Variants in ZNF438 observed in about 807,000 individuals in gnomAD.
ZNF438 encodes the protein zinc finger protein 438.
A neutral mutation model predicts 38.0 loss-of-function variants in ZNF438; 25 were observed. That is an observed-to-expected ratio of 0.66 (90% CI 0.48 to 0.92). The LOEUF is 0.92. Ranked by LOEUF, ZNF438 falls within the 40% of genes least tolerant of loss-of-function variation. The probability of loss-of-function intolerance (pLI) is 0.00; values close to 1 mark genes in which losing one functional copy is unlikely to be tolerated. For missense variants in ZNF438, 1,007 were observed against 999.6 expected (o/e 1.01, Z -0.10); for synonymous variants, 372 against 364.1 (o/e 1.02, Z -0.25).
chr10:30,942,919 T>C (rs2046971494), intron 1 of ZNF438, among the ~76,000 whole-genome samples: 2 of 152,214 alleles, frequency 1.3e-5, no homozygotes, highest in Admixed American at 1.3e-4. Context: ...TCCTGCCTTT[T>C]CAAGGCAGAA....
At chr10:30,901,136 A>T (rs903062018) in intron 3 of ZNF438, among the ~76,000 whole-genome samples, 1 of 151,636 alleles carries the variant, frequency 6.6e-6, no homozygotes, top group Non-Finnish European at 1.5e-5. Flanking sequence ...CCTTTCTTAT[A>T]ACAGTTATAA....
intron 4 of ZNF438, 86 bp downstream of exon 5, chr10:30,876,912 C>T: frequency 1.0e-6 from 1 of 960,650 alleles, no homozygotes; most frequent in Non-Finnish European, 1.5e-6. Context: ...AATAAGTTAC[C>T]TTATGATTAG....
intron 3 of ZNF438, among the ~76,000 whole-genome samples, chr10:30,907,441 TAATTC>T (rs1190411534): frequency 2.6e-5 from 4 of 152,244 alleles, no homozygotes; most frequent in Non-Finnish European, 5.9e-5. Flanking sequence ...GGATTGGTAT[TAATTC>T]TTTTCTAAAT....
At chr10:30,990,695 C>A (rs932694938) in intron 1 of ZNF438, among the ~76,000 whole-genome samples, 17 of 151,984 alleles carry the variant, frequency 1.1e-4, no homozygotes, top group African/African-American at 4.1e-4. Context: ...GGATCTACAC[C>A]ACAAATACGC....
At chr10:30,971,328 G>A (rs1026142493) in intron 1 of ZNF438, among the ~76,000 whole-genome samples, 3 of 152,040 alleles carry the variant, frequency 2.0e-5, no homozygotes, top group East Asian at 1.9e-4. Context: ...ACATAACAAC[G>A]GAAGGCCATA....
At chr10:30,871,773 A>C (rs2037450192) in intron 4 of ZNF438, among the ~76,000 whole-genome samples, 1 of 152,198 alleles carries the variant, frequency 6.6e-6, no homozygotes. Context: ...TTCACATGAT[A>C]GACAGTAATG....
chr10:31,023,112 C>G (rs1292289744), intron 1 of ZNF438, among the ~76,000 whole-genome samples: 1 of 152,150 alleles, frequency 6.6e-6, no homozygotes, highest in African/African-American at 2.4e-5. Flanking sequence ...TTTGCAAATA[C>G]TAAAATATTT....
intron 1 of ZNF438, among the ~76,000 whole-genome samples, chr10:30,963,037 T>C (rs914582208): frequency 6.6e-6 from 1 of 152,178 alleles, no homozygotes; most frequent in Non-Finnish European, 1.5e-5. Flanking sequence ...TAAAATCTCC[T>C]TTACAAAACA....
chr10:31,028,525 A>T (rs2057083817), intron 1 of ZNF438, among the ~76,000 whole-genome samples: 1 of 152,192 alleles, frequency 6.6e-6, no homozygotes, highest in Non-Finnish European at 1.5e-5. Context: ...TCATCCTGCA[A>T]CAGCTTAGGC....
At chr10:30,922,970 A>T (rs2044490635) in intron 2 of ZNF438, among the ~76,000 whole-genome samples, 1 of 152,260 alleles carries the variant, frequency 6.6e-6, no homozygotes, top group African/African-American at 2.4e-5. Flanking sequence ...GTAAAAGAAT[A>T]ATAAGTGTAA....
intron 1 of ZNF438, among the ~76,000 whole-genome samples, chr10:30,960,572 T>C (rs1589435319): frequency 6.8e-6 from 1 of 147,230 alleles, no homozygotes; most frequent in East Asian, 1.9e-4. Context: ...GGACCAAAAA[T>C]GTAAATGTTT....
At chr10:30,846,447 C>T (rs144587526) in intron 5 of ZNF438, among the ~76,000 whole-genome samples, 273 of 152,316 alleles carry the variant, frequency 1.8e-3, no homozygotes, top group African/African-American at 6.1e-3. Context: ...AGAGCCACTG[C>T]GATGGGGCCA....
In ZNF438 at chr10:30,856,056, C is replaced by A. The variant is rs1048438983; in HGVS notation, c.38-5689G>T. Among the ~76,000 whole-genome samples the A allele has an allele frequency of 3.3e-5, 5 of 152,322 alleles. No homozygotes were observed. In the East Asian group the frequency reaches 5.8e-4, roughly 18 times the overall value. ...TTGAATCAGTTTTAAAAAGCAGTAT[C>A]TTTTGGGATATTTGTGATGAGTGTG... On this transcript the variant is annotated intron_variant, in intron 4 of 5. Coordinates refer to ENST00000413025, the Ensembl canonical transcript of ZNF438.
intron 1 of ZNF438, among the ~76,000 whole-genome samples, chr10:30,960,130 G>T (rs1486540268): frequency 1.4e-5 from 2 of 147,070 alleles, no homozygotes; most frequent in African/African-American, 4.9e-5. Context: ...AAGTTGGGTT[G>T]TTTGCCTTAT....
At chr10:30,888,348 C>CACACACACACACACACACACAA (rs1349362747) in intron 3 of ZNF438, among the ~76,000 whole-genome samples, 1 of 151,924 alleles carries the variant, frequency 6.6e-6, no homozygotes, top group African/African-American at 2.4e-5. Flanking sequence ...ATTATAAACA[C>CACACACACACACACACACACAA]ACACACACAC....
intron 1 of ZNF438, among the ~76,000 whole-genome samples, chr10:30,987,329 A>AC (rs2052938124): frequency 6.6e-6 from 1 of 151,874 alleles, no homozygotes; most frequent in Admixed American, 6.6e-5. Context: ...CAAAAAAAAA[A>AC]AAAAAACTAA....
chr10:31,025,669 T>A (rs562967974), intron 1 of ZNF438, among the ~76,000 whole-genome samples: 2 of 152,208 alleles, frequency 1.3e-5, no homozygotes, highest in Non-Finnish European at 2.9e-5. Context: ...AGAATTTTCT[T>A]CTGGGTGTTC....
intron 4 of ZNF438, among the ~76,000 whole-genome samples, chr10:30,860,481 G>A (rs185019323): frequency 6.6e-6 from 1 of 152,328 alleles, no homozygotes; most frequent in East Asian, 1.9e-4. Context: ...CATTATCAGT[G>A]AACCTTCAGA....
chr10:31,012,178 A>G (rs564083704), intron 1 of ZNF438, among the ~76,000 whole-genome samples: 1 of 146,480 alleles, frequency 6.8e-6, no homozygotes, highest in African/African-American at 2.6e-5. Flanking sequence ...GCTGGAGTGC[A>G]GTGGCATGAT....
Sources: allele counts gnomAD v4.1 joint callset (sites outside exome capture counted in the v4.1 genomes callset), GRCh38; gene constraint gnomAD v4.1.1; transcripts MANE v1.5; gene names NCBI Gene and HGNC (gene_info 2026-07-23, HGNC 2026-07-21).